The following ADH7 variants were observed in gnomAD, a reference collection of about 807,000 sequenced individuals.
The protein encoded by ADH7 is alcohol dehydrogenase 7 (class IV), mu or sigma polypeptide, also known as all-trans-retinol dehydrogenase [NAD(+)] ADH7.
In ADH7, 41 loss-of-function variants were observed where a neutral mutation model predicts 34.4. The ratio of observed to expected loss-of-function variants is 1.19; its 90% CI spans 0.93 to 1.55. The LOEUF is 1.55. Ranked by LOEUF, ADH7 falls within the 40% of genes most tolerant of loss-of-function variation. The pLI is 0.00. For missense variants in ADH7, 540 were observed against 461.2 expected (o/e 1.17, Z -1.56); for synonymous variants, 180 against 160.9 (o/e 1.12, Z -0.90).
chr4:99,428,950 T>G (rs909346180), intron 2 of ADH7, among the ~76,000 whole-genome samples: 4 of 152,296 alleles, frequency 2.6e-5, no homozygotes, highest in African/African-American at 7.2e-5. Flanking sequence ...AGCTAGGCCC[T>G]TATTGGGCTC....
chr4:99,421,954 A>G (rs1484272222), intron 5 of ADH7, among the ~76,000 whole-genome samples: 1 of 152,256 alleles, frequency 6.6e-6, no homozygotes, highest in Non-Finnish European at 1.5e-5. Context: ...ACCGTGTGAT[A>G]CCATCTCATG....
intron 5 of ADH7, among the ~76,000 whole-genome samples, chr4:99,423,634 G>A (rs1445040694): frequency 6.6e-6 from 1 of 152,156 alleles, no homozygotes; most frequent in Non-Finnish European, 1.5e-5. Context: ...GCCAGTGATG[G>A]TGAGCATTTT....
chr4:99,427,021 T>C (rs1467235404), intron 5 of ADH7, among the ~76,000 whole-genome samples: 1 of 152,202 alleles, frequency 6.6e-6, no homozygotes, highest in African/African-American at 2.4e-5. Context: ...TGCTTCATGC[T>C]AAAAACTCTC....
At chr4:99,425,647 T>C (rs1298450245) in intron 5 of ADH7, among the ~76,000 whole-genome samples, 3 of 152,100 alleles carry the variant, frequency 2.0e-5, no homozygotes, top group East Asian at 1.9e-4. Context: ...ATTAGACAGA[T>C]CAACGAGACA....
At chr4:99,425,009 G>A (rs905040067) in intron 5 of ADH7, among the ~76,000 whole-genome samples, 1 of 151,894 alleles carries the variant, frequency 6.6e-6, no homozygotes, top group Non-Finnish European at 1.5e-5. Context: ...ATTGGCTGTG[G>A]ATTTGTCATA....
intron 4 of ADH7, 21 bp from the exon 5 acceptor site, chr4:99,428,010 A>G: frequency 6.2e-7 from 1 of 1,612,560 alleles, no homozygotes. Context: ...CATCAAATAC[A>G]CGTATTAATT....
chr4:99,431,665 T>C (rs766140471), intron 1 of ADH7, among the ~76,000 whole-genome samples: 1 of 152,058 alleles, frequency 6.6e-6, no homozygotes, highest in South Asian at 2.1e-4. Flanking sequence ...GCAAAGGATA[T>C]GAACAGACAT....
intron 5 of ADH7, among the ~76,000 whole-genome samples, chr4:99,426,450 G>A (rs1721807070): frequency 2.6e-5 from 4 of 152,242 alleles, no homozygotes; most frequent in East Asian, 3.9e-4. Context: ...AAATAAACTA[G>A]AAAATCTAGA....
chr4:99,421,813 AT>A (rs900585811), intron 5 of ADH7, among the ~76,000 whole-genome samples: 1 of 152,164 alleles, frequency 6.6e-6, no homozygotes, highest in Non-Finnish European at 1.5e-5. Context: ...AAGAAAAAAA[AT>A]GAAGAACCCC....
intron 5 of ADH7, among the ~76,000 whole-genome samples, chr4:99,421,363 T>C (rs376051810): frequency 4.0e-4 from 61 of 152,324 alleles, no homozygotes; most frequent in African/African-American, 1.4e-3. Context: ...TACAATCATT[T>C]GCTCTTCAAC....
chr4:99,435,032 C>T (rs1174777511), intron 1 of ADH7, 184 bp downstream of exon 1: 2 of 1,541,316 alleles, frequency 1.3e-6, no homozygotes, highest in South Asian at 2.4e-5. Context: ...CTTACCCCTG[C>T]TTCCACTGAC....
In ADH7 at chr4:99,428,135, T is replaced by G. The variant is rs1721855569; in HGVS notation, c.299A>C (p.Glu100Ala). 1 of 1,613,894 alleles carries G rather than the reference T, an allele frequency of 6.2e-7. No individual in the cohort carries two copies. Among genetic ancestry groups the G allele is most frequent in the Non-Finnish European group, 8.5e-7 (1 of 1,179,918 alleles). ...VIPLFLPQCR[E>A]CNACRNPDGN... is the part of the protein sequence containing the mutation. Reference sequence around the variant, plus strand: ...ATCTGGGTTGCGACAAGCATTGCATTCTCTACATTGTGGCAGAAAGAGAGG... The same window carrying G: ...ATCTGGGTTGCGACAAGCATTGCATGCTCTACATTGTGGCAGAAAGAGAGG... The change falls in exon 4 of 9, where the codon GAA (glutamate) becomes GCA (alanine). Residue 100 changes from glutamate (E) to alanine (A), a missense_variant. Physicochemically the swap from Glu to Ala is moderately radical, Grantham distance 107. Coordinates refer to ENST00000437033, the MANE Select transcript of ADH7 (RefSeq NM_000673.7).
chr4:99,420,162 A>C (rs1409518661), intron 6 of ADH7, among the ~76,000 whole-genome samples: 2 of 152,160 alleles, frequency 1.3e-5, no homozygotes, highest in African/African-American at 2.4e-5. Flanking sequence ...ATCCCTTTTC[A>C]CCTCTCCTCA....
Position 99,419,037 on chromosome 4 carries a change from C to A in ADH7, c.910G>T (p.Asp304Tyr), listed in dbSNP as rs1165321584. 1 of 1,613,888 alleles carries A rather than the reference C, an allele frequency of 6.2e-7. No homozygotes were observed. Among genetic ancestry groups the A allele is most frequent in the East Asian group, 2.2e-5 (1 of 44,858 alleles). The change falls in exon 7 of 9, where the codon GAC becomes TAC. Residue 304 changes from aspartate to tyrosine, a missense_variant. Physicochemically the swap from Asp to Tyr is radical, Grantham distance 160 (BLOSUM62 -3). Coordinates refer to ENST00000437033, the MANE Select transcript of ADH7 (RefSeq NM_000673.7). ...CGTCCAGTGAAGAGCAACATCGGGT[C>A]ATAGGTGAGCATCTTGGCTGATGGA... Reference protein sequence around the residue: ...VPPSAKMLTYDPMLLFTGRTW... With the variant: ...VPPSAKMLTYYPMLLFTGRTW...
chr4:99,415,484 C>T lies in ADH7; in HGVS notation c.1094G>A (p.Gly365Glu), dbSNP rs765016643. 1 of 1,611,948 alleles carries T rather than the reference C, an allele frequency of 6.2e-7. No homozygotes were observed. The highest frequency in any genetic ancestry group is 2.2e-5 in the East Asian group (1 of 44,816). ...ISEGFELLNS[G>E]QSIRTVLTF is the part of the protein sequence containing the mutation. ...CATCATAAGAAACAGTTACCTTTGT[C>T]CTGAATTGAGCAGCTCAAATCCTTC... The change falls in exon 8 of 9, where the codon GGA becomes GAA. Residue 365 changes from glycine (G) to glutamate (E), a missense_variant. By Grantham distance (98) the Gly-to-Glu change is moderately conservative. Coordinates refer to ENST00000437033, the MANE Select transcript of ADH7 (RefSeq NM_000673.7).
chr4:99,434,937 A>T, intron 1 of ADH7: 1 of 1,191,646 alleles, frequency 8.4e-7, no homozygotes, highest in African/African-American at 1.5e-5. Context: ...AGCTATCCGG[A>T]AATCAAATTA....
At chr4:99,417,673 T>C (rs951822863) in intron 7 of ADH7, among the ~76,000 whole-genome samples, 6 of 152,150 alleles carry the variant, frequency 3.9e-5, no homozygotes, top group South Asian at 2.1e-4. Context: ...CTTGGTATGT[T>C]TTGTCTCTTC....
intron 5 of ADH7, among the ~76,000 whole-genome samples, chr4:99,424,615 C>A (rs2110137418): frequency 6.6e-6 from 1 of 152,226 alleles, no homozygotes; most frequent in East Asian, 1.9e-4. Context: ...AGTTGGATTC[C>A]TAGGTGTTTC....
In ADH7 at chr4:99,413,034, ATCT is replaced by A. The variant is rs1311077041; in HGVS notation, c.*111_*113del. On this transcript the variant is annotated 3_prime_UTR_variant, in exon 9 of 9. Transcript: ENST00000437033. ...TATAAGGGTTCTATGTCTTCAACAA[ATCT>A]TCTACTTATGCTTGTATTTGTGAGA... 2 of 1,142,360 alleles carry A rather than the reference ATCT, an allele frequency of 1.8e-6. No individual in the cohort carries two copies. Among genetic ancestry groups the A allele is most frequent in the Non-Finnish European group, 2.6e-6 (2 of 774,064 alleles). 70.8% of individuals were successfully genotyped at this position (1,142,360 alleles called of 1,614,324 possible).
Sources: allele counts gnomAD v4.1 joint callset (sites outside exome capture counted in the v4.1 genomes callset), GRCh38; gene constraint gnomAD v4.1.1; transcripts MANE v1.5; gene names NCBI Gene and HGNC (gene_info 2026-07-23, HGNC 2026-07-21).